SSBP3: variants seen among roughly 807,000 people sequenced by gnomAD.
SSBP3 encodes single stranded DNA binding protein 3.
SSBP3 carries 5 observed loss-of-function variants against 69.6 expected under a neutral mutation model. That is an observed-to-expected ratio of 0.07 (90% CI 0.04 to 0.15). SSBP3 has a LOEUF of 0.15. SSBP3 is among the 10% of genes least tolerant of loss of function. The probability of loss-of-function intolerance (pLI) is 1.00; values close to 1 mark genes in which losing one functional copy is unlikely to be tolerated. For missense variants in SSBP3, 312 were observed against 534.0 expected, an observed-to-expected ratio of 0.58 and a Z score of 4.10; for synonymous variants, 196 against 193.4, an observed-to-expected ratio of 1.01 and a Z score of -0.11.
chr1:54,370,811 C>T (rs370048961), intron 4 of SSBP3, among the ~76,000 whole-genome samples: 17 of 152,048 alleles, frequency 1.1e-4, no homozygotes, highest in East Asian at 3.9e-4. Flanking sequence ...AATGAGCATG[C>T]GTGTGGTGGC....
intron 4 of SSBP3, among the ~76,000 whole-genome samples, chr1:54,383,464 G>C (rs1647838191): frequency 6.6e-6 from 1 of 152,064 alleles, no homozygotes; most frequent in Admixed American, 6.5e-5. Flanking sequence ...GAACAGATAA[G>C]AGCCATTCAC....
chr1:54,320,361 T>C (rs751563034), intron 4 of SSBP3, among the ~76,000 whole-genome samples: 6 of 152,324 alleles, frequency 3.9e-5, no homozygotes, highest in Non-Finnish European at 5.9e-5. Context: ...AGTCTTACTC[T>C]GTCTGGAGTG....
At chr1:54,404,400 T>C (rs960403099) in intron 3 of SSBP3, among the ~76,000 whole-genome samples, 176 bp downstream of exon 3, 2 of 152,210 alleles carry the variant, frequency 1.3e-5, no homozygotes, top group African/African-American at 4.8e-5. Flanking sequence ...GGTAACATCC[T>C]CTTCCGCCCT....
chr1:54,358,647 G>A (rs1257630037), intron 4 of SSBP3, among the ~76,000 whole-genome samples: 3 of 152,134 alleles, frequency 2.0e-5, no homozygotes, highest in Non-Finnish European at 4.4e-5. Context: ...GAAGACATCC[G>A]AACGAACAAC....
intron 4 of SSBP3, among the ~76,000 whole-genome samples, chr1:54,318,320 T>C (rs923692390): frequency 2.0e-5 from 3 of 152,188 alleles, no homozygotes; most frequent in East Asian, 1.9e-4. Flanking sequence ...ATTTTCAATA[T>C]AGAGATACAG....
At chr1:54,253,192 GTT>G (rs554412710) in intron 7 of SSBP3, among the ~76,000 whole-genome samples, 2 of 132,912 alleles carry the variant, frequency 1.5e-5, no homozygotes, top group African/African-American at 2.9e-5. Context: ...TTTAGTTTTT[GTT>G]TTTTTTTTTT....
chr1:54,310,580 C>G (rs1292652877), intron 4 of SSBP3, among the ~76,000 whole-genome samples: 2 of 152,214 alleles, frequency 1.3e-5, no homozygotes, highest in Non-Finnish European at 1.5e-5. Flanking sequence ...CAACACACCC[C>G]AACCCACTTC....
intron 6 of SSBP3, among the ~76,000 whole-genome samples, chr1:54,257,494 C>A (rs1243048248): frequency 6.6e-6 from 1 of 152,086 alleles, no homozygotes; most frequent in East Asian, 1.9e-4. Context: ...GAGGAGGAAA[C>A]CTCTGCTCTC....
chr1:54,369,793 GAACGT>G (rs1647096906), intron 4 of SSBP3, among the ~76,000 whole-genome samples: 2 of 152,154 alleles, frequency 1.3e-5, no homozygotes, highest in Admixed American at 6.5e-5. Context: ...ACCAGTCTGA[GAACGT>G]GACCCTGTCC....
In SSBP3 at chr1:54,406,036, TCGC is replaced by T. The variant is rs759612820; in HGVS notation, c.-31_-29del. The T allele has an allele frequency of 8.6e-3, 11,430 of 1,326,700 alleles. 81 individuals carry two copies. Among genetic ancestry groups the T allele is most frequent in the Middle Eastern group, 0.016 (60 of 3,788 alleles). The allele number at this position is 1,326,700 out of a possible 1,614,324, so 82.2% of individuals were successfully genotyped here. A position where few individuals can be genotyped will look rare whatever the true frequency, so the allele number is the denominator to read the frequency against. On this transcript the variant is annotated 5_prime_UTR_variant, in exon 1 of 18. Transcript: ENST00000610401. ...TTTGCAGGGAAGAGGGCGCCGAGCC[TCGC>T]CGCCGCCGCCGCCGCCGCCGCTACC... is the stretch of plus-strand genomic sequence containing the variant.
At chr1:54,309,800 C>G (rs761420644) in intron 4 of SSBP3, among the ~76,000 whole-genome samples, 3 of 152,216 alleles carry the variant, frequency 2.0e-5, no homozygotes, top group Non-Finnish European at 4.4e-5. Context: ...TGGAACAAAA[C>G]CCATTGCAGG....
rs147574789 is a variant in SSBP3 at position 54,404,808 on chromosome 1, T to TGGG, written c.129+47_129+49dup. 5,122 of 630,130 alleles carry TGGG rather than the reference T, an allele frequency of 8.1e-3. 8 individuals are homozygous for TGGG. Among genetic ancestry groups the TGGG allele is most frequent in the Non-Finnish European group, 9.7e-3 (3,782 of 390,252 alleles). The allele number at this position is 630,130 out of a possible 1,614,324, so 39.0% of individuals were successfully genotyped here. A position where few individuals can be genotyped will look rare whatever the true frequency, so the allele number is the denominator to read the frequency against. ...CTGAAAACAAAGGCTCTAAGAATAGTGGGGGGGGGGGGTGTCAAGAAATTG... is the reference window on the plus strand; with the variant it reads ...CTGAAAACAAAGGCTCTAAGAATAGTGGGGGGGGGGGGGGGTGTCAAGAAATTG... On this transcript the variant is annotated intron_variant, in intron 2 of 17. Coordinates refer to ENST00000610401, the Ensembl canonical transcript of SSBP3.
At chr1:54,403,683 G>A (rs1243630612) in intron 3 of SSBP3, among the ~76,000 whole-genome samples, 1 of 152,200 alleles carries the variant, frequency 6.6e-6, no homozygotes, top group African/African-American at 2.4e-5. Context: ...CCCAACGACA[G>A]GAGACAGGAC....
At chr1:54,407,683 A>G (rs916537682), upstream of SSBP3, among the ~76,000 whole-genome samples, 4 of 151,020 alleles carry the variant, frequency 2.6e-5, no homozygotes, top group African/African-American at 9.7e-5. Context: ...AAAGCTGTGT[A>G]AGCGCTGATT....
At chr1:54,244,437 G>C (rs1300630688) in intron 9 of SSBP3, among the ~76,000 whole-genome samples, 1 of 150,908 alleles carries the variant, frequency 6.6e-6, no homozygotes, top group Non-Finnish European at 1.5e-5. Flanking sequence ...TGTAGAGATG[G>C]GGTCTCCCTT....
At chr1:54,337,485 C>CTCTTTTT (rs1646529106) in intron 4 of SSBP3, among the ~76,000 whole-genome samples, 4 of 51,136 alleles carry the variant, frequency 7.8e-5, no homozygotes, top group African/African-American at 3.9e-4. Context: ...TTTCCTCAAG[C>CTCTTTTT]TTTTTTTTTT....
intron 7 of SSBP3, among the ~76,000 whole-genome samples, chr1:54,252,541 GGGACA>G (rs1644848062): frequency 3.7e-5 from 1 of 27,302 alleles, no homozygotes; most frequent in Non-Finnish European, 7.5e-5. Context: ...CACTAGGAGA[GGGACA>G]GGTGGCCACT....
chr1:54,327,723 A>G (rs1646335810), intron 4 of SSBP3, among the ~76,000 whole-genome samples: 1 of 152,166 alleles, frequency 6.6e-6, no homozygotes, highest in African/African-American at 2.4e-5. Context: ...ATTTTCTATG[A>G]ATTTTTAAGT....
upstream of SSBP3, among the ~76,000 whole-genome samples, chr1:54,407,890 C>G (rs1228645001): frequency 6.6e-6 from 1 of 150,928 alleles, no homozygotes; most frequent in Non-Finnish European, 1.5e-5. Context: ...TAGGAAAACT[C>G]AGAACTAGAT....
Sources: allele counts gnomAD v4.1 joint callset (sites outside exome capture counted in the v4.1 genomes callset), GRCh38; gene constraint gnomAD v4.1.1; transcripts MANE v1.5; gene names NCBI Gene and HGNC (gene_info 2026-07-23, HGNC 2026-07-21).